The following RANBP2 variants were observed in gnomAD, a reference collection of about 807,000 sequenced individuals.
RANBP2 encodes the protein E3 SUMO-protein ligase RanBP2.
Under a neutral mutation model 303.6 loss-of-function variants are expected in RANBP2, and 57 were observed. The ratio of observed to expected loss-of-function variants is 0.19; its 90% confidence interval spans 0.15 to 0.23. The LOEUF (loss-of-function observed/expected upper bound fraction) is 0.23. Ranked by LOEUF, RANBP2 falls within the 10% of genes least tolerant of loss-of-function variation. The probability of loss-of-function intolerance (pLI) is 1.00; values close to 1 mark genes in which losing one functional copy is unlikely to be tolerated. For missense variants in RANBP2, 3,138 were observed against 3,780.8 expected (o/e 0.83, Z 4.46); for synonymous variants, 1,167 against 1,301.5 (o/e 0.90, Z 2.23).
At chr2:109,648,348 C>G in the RANBP2 span, among the ~76,000 whole-genome samples, 1 of 152,132 alleles carries the variant, frequency 6.6e-6, no homozygotes, top group Non-Finnish European at 1.5e-5. Context: ...CAGAAAGACA[C>G]CATCTGATTT....
At chr2:109,401,309 G>A in the RANBP2 span, among the ~76,000 whole-genome samples, 2 of 152,210 alleles carry the variant, frequency 1.3e-5, no homozygotes, top group Admixed American at 6.5e-5. Flanking sequence ...AGTTGCAGCA[G>A]GTTTGAGGGG....
chr2:109,545,291 A>C, the RANBP2 span: 1 of 1,429,070 alleles, frequency 7.0e-7, no homozygotes, highest in Non-Finnish European at 9.1e-7. Context: ...AAGTGGGAGA[A>C]ATAAAACAAG....
chr2:109,244,205 A>G, the RANBP2 span, among the ~76,000 whole-genome samples: 4 of 152,222 alleles, frequency 2.6e-5, no homozygotes, highest in African/African-American at 7.2e-5. Context: ...AATGGATTCT[A>G]ATCCGAGCTG....
chr2:109,248,933 T>C, the RANBP2 span, among the ~76,000 whole-genome samples: 1 of 141,284 alleles, frequency 7.1e-6, no homozygotes, highest in Non-Finnish European at 1.5e-5. Flanking sequence ...TCCTGTCCTG[T>C]CTTGCTCTGT....
At chr2:108,837,102 T>C in the RANBP2 span, among the ~76,000 whole-genome samples, 132,807 of 152,196 alleles carry the variant, frequency 0.87, 58,334 homozygotes, top group East Asian at 1. Flanking sequence ...GTGGTGAGGG[T>C]GTGCTTGTCT....
At chr2:108,981,199 G>T in the RANBP2 span, among the ~76,000 whole-genome samples, 1 of 152,168 alleles carries the variant, frequency 6.6e-6, no homozygotes, top group East Asian at 1.9e-4. Flanking sequence ...ATGATCTGAC[G>T]TTCCACCACC....
the RANBP2 span, among the ~76,000 whole-genome samples, chr2:109,301,778 G>A: frequency 1.6e-4 from 24 of 152,226 alleles, no homozygotes; most frequent in Non-Finnish European, 3.4e-4. Context: ...ATCCTTTTTG[G>A]GTGGGTTGCC....
chr2:109,498,209 T>A, the RANBP2 span, among the ~76,000 whole-genome samples: 1 of 152,168 alleles, frequency 6.6e-6, no homozygotes. Context: ...AGATAGCCCA[T>A]GGGAACCAGT....
At chr2:109,679,712 C>T in the RANBP2 span, among the ~76,000 whole-genome samples, 1 of 152,182 alleles carries the variant, frequency 6.6e-6, no homozygotes, top group Non-Finnish European at 1.5e-5. Flanking sequence ...ATTCCCAGGG[C>T]ATCTTGTTAC....
chr2:109,010,824 T>C, the RANBP2 span, among the ~76,000 whole-genome samples: 1 of 152,194 alleles, frequency 6.6e-6, no homozygotes, highest in Admixed American at 6.5e-5. Context: ...GAGTTAAAAA[T>C]TGCTCAGGAT....
the RANBP2 span, among the ~76,000 whole-genome samples, chr2:109,010,528 TG>T: frequency 6.6e-6 from 1 of 152,150 alleles, no homozygotes; most frequent in Non-Finnish European, 1.5e-5. Context: ...GAGATCAAGG[TG>T]CTGGCCGATT....
the RANBP2 span, among the ~76,000 whole-genome samples, chr2:108,927,135 T>C: frequency 1.3e-5 from 2 of 152,154 alleles, no homozygotes; most frequent in South Asian, 4.1e-4. Flanking sequence ...ACTGTCCCCA[T>C]CGTCTGCACC....
At chr2:108,971,196 G>C in the RANBP2 span, among the ~76,000 whole-genome samples, 2 of 152,136 alleles carry the variant, frequency 1.3e-5, no homozygotes, top group Non-Finnish European at 2.9e-5. Flanking sequence ...TGGATTCCTT[G>C]TTCCATGAGG....
the RANBP2 span, among the ~76,000 whole-genome samples, chr2:109,547,688 C>G: frequency 1.3e-5 from 2 of 152,080 alleles, no homozygotes; most frequent in Non-Finnish European, 1.5e-5. Context: ...TTTCTCAAAG[C>G]TATGAAGGGC....
chr2:109,550,274 A>G, the RANBP2 span, among the ~76,000 whole-genome samples: 74 of 151,742 alleles, frequency 4.9e-4, no homozygotes, highest in African/African-American at 1.6e-3. Flanking sequence ...TGGGCAACAA[A>G]AGCAAGACTC....
the RANBP2 span, among the ~76,000 whole-genome samples, chr2:109,103,035 AAAG>A: frequency 6.6e-6 from 1 of 152,204 alleles, no homozygotes; most frequent in African/African-American, 2.4e-5. Context: ...CTGCATAACT[AAAG>A]AAGAAGAAAG....
the RANBP2 span, chr2:109,593,131 A>G: frequency 6.3e-7 from 1 of 1,580,676 alleles, no homozygotes; most frequent in East Asian, 2.3e-5. Flanking sequence ...TAAAAAAGGA[A>G]TACAAAGGCT....
chr2:108,804,807 T>G, the RANBP2 span: 35 of 1,277,012 alleles, frequency 2.7e-5, no homozygotes, highest in Non-Finnish European at 3.1e-5. Context: ...AGTTCTTACT[T>G]GTAATTAATT....
Position 108,767,217 on chromosome 2 carries a change from C to G in RANBP2, c.6678C>G (p.Asn2226Lys), listed in dbSNP as rs772915779. ...ENTGPTLEWD[N>K]YDLREDALDD... ...CTGGGCCCACATTAGAATGGGATAA[C>G]TATGATTTAAGGGAAGATGCTTTGG... The change falls in exon 20 of 29, where the codon AAC (asparagine) becomes AAG (lysine). Residue 2226 changes from asparagine to lysine, a missense_variant. By Grantham distance (94) the Asn-to-Lys change is moderately conservative. Transcript: ENST00000283195. 2.5e-6 allele frequency: 4 copies of G among 1,612,000 alleles called. No homozygotes were observed. Among genetic ancestry groups the G allele is most frequent in the Non-Finnish European group, 3.4e-6 (4 of 1,179,870 alleles).
Sources: gnomAD v4.1 joint callset for allele counts (sites outside exome capture counted in the v4.1 genomes callset) on GRCh38, gnomAD v4.1.1 for gene constraint, MANE v1.5 for transcripts, NCBI Gene and HGNC (gene_info 2026-07-23, HGNC 2026-07-21) for gene names.